The following TNKS2 variants were observed in gnomAD, a reference collection of about 807,000 sequenced individuals.
TNKS2 encodes tankyrase 2.
Under a neutral mutation model 137.6 loss-of-function variants are expected in TNKS2, and 72 were observed. The observed-to-expected ratio is 0.52, with a 90% CI of 0.43 to 0.64. The LOEUF is 0.64. TNKS2 is among the 30% of genes least tolerant of loss of function. The pLI, the probability that TNKS2 is intolerant of heterozygous loss-of-function variation, is 0.00. For missense variants in TNKS2, 1,049 were observed against 1,410.2 expected (o/e 0.74, Z 4.10); for synonymous variants, 516 against 512.1 (o/e 1.01, Z -0.10).
At chr10:91,846,604 A>C (rs887244645) in intron 18 of TNKS2, among the ~76,000 whole-genome samples, 2 of 152,186 alleles carry the variant, frequency 1.3e-5, no homozygotes, top group Non-Finnish European at 2.9e-5. Flanking sequence ...GAAAGAAAGG[A>C]GGAAGGAATT....
At chr10:91,807,280 C>T (rs1844352908) in intron 1 of TNKS2, 1 of 1,612,224 alleles carries the variant, frequency 6.2e-7, no homozygotes, top group Middle Eastern at 1.8e-4. Context: ...TGAGCTTGGT[C>T]TGTTTTATAC....
rs192756742 is a variant in TNKS2 at position 91,820,327 on chromosome 10, A to G, written c.728+294A>G. On this transcript the variant is annotated intron_variant, in intron 6 of 26. Coordinates refer to ENST00000371627, the MANE Select transcript of TNKS2 (RefSeq NM_025235.4). Reference sequence around the variant, plus strand: ...GCACTGCAGGAGTTCCCAGGAAGGAACTCTCAGTGATGGTTGACTGGAGTG... The same window carrying G: ...GCACTGCAGGAGTTCCCAGGAAGGAGCTCTCAGTGATGGTTGACTGGAGTG... Among the ~76,000 whole-genome samples, 111 of 152,250 alleles carry G rather than the reference A, an allele frequency of 7.3e-4. 1 individual carries two copies. Among genetic ancestry groups the G allele is most frequent in the Admixed American group, 6.7e-3 (103 of 15,290 alleles).
rs763266036 is a variant in TNKS2 at position 91,848,423 on chromosome 10, C to G, written c.2399C>G (p.Pro800Arg). Residue 800 changes from proline to arginine, a missense_variant, in exon 19 of 27, where the codon CCA (proline) becomes CGA (arginine). By Grantham distance (103) the Pro-to-Arg change is moderately radical. Around this residue, in one of 6 missense-constraint regions of TNKS2, gnomAD observed 208 missense variants for 231.2 expected, o/e 0.90. Transcript: ENST00000371627. ...VSALLTAAMP[P>R]SALPSCYKPQ... Reference sequence around the variant, plus strand: ...GCTCTTCTGACAGCAGCCATGCCCCCATCTGCTCTGCCCTCTTGTTACAAG... The same window carrying G: ...GCTCTTCTGACAGCAGCCATGCCCCGATCTGCTCTGCCCTCTTGTTACAAG... The G allele has an allele frequency of 5.6e-6, 9 of 1,614,240 alleles. No individual in the cohort carries two copies. Among genetic ancestry groups the G allele is most frequent in the Non-Finnish European group, 7.6e-6 (9 of 1,180,034 alleles).
At chr10:91,819,427 C>A in intron 4 of TNKS2, 55 bp from the exon 5 acceptor site, 1 of 1,429,688 alleles carries the variant, frequency 7.0e-7, no homozygotes. Flanking sequence ...CAGTACTTAT[C>A]TTGAGGAACA....
At chr10:91,858,279 G>C (rs1045050494) in intron 24 of TNKS2, among the ~76,000 whole-genome samples, 1 of 152,080 alleles carries the variant, frequency 6.6e-6, no homozygotes, top group Non-Finnish European at 1.5e-5. Flanking sequence ...TTCATGTGCA[G>C]AATCTAAACA....
intron 13 of TNKS2, among the ~76,000 whole-genome samples, chr10:91,840,173 C>A (rs1157011563): frequency 7.2e-5 from 11 of 152,170 alleles, no homozygotes; most frequent in Admixed American, 7.2e-4. Context: ...AACCCCGCCT[C>A]TACTAAAAAT....
intron 13 of TNKS2, among the ~76,000 whole-genome samples, chr10:91,839,522 C>G (rs1457288167): frequency 6.6e-6 from 1 of 151,914 alleles, no homozygotes; most frequent in South Asian, 2.1e-4. Flanking sequence ...AAACTCCTGA[C>G]CTCAAGTGAT....
chr10:91,849,690 TGGG>T (rs897235314), intron 20 of TNKS2, 96 bp downstream of exon 20: 101 of 878,242 alleles, frequency 1.2e-4, no homozygotes, highest in Non-Finnish European at 1.6e-4. Context: ...TGTAAGCTAT[TGGG>T]GGAGAATGTT....
At chr10:91,816,686 C>CTTTTTTT (rs34591746) in intron 2 of TNKS2, among the ~76,000 whole-genome samples, 34 of 147,788 alleles carry the variant, frequency 2.3e-4, no homozygotes, top group African/African-American at 8.2e-4. Flanking sequence ...GTGTGATTTT[C>CTTTTTTT]TTTTTTTTTT....
At chr10:91,857,621 C>T in intron 24 of TNKS2, 91 bp downstream of exon 24, 1 of 633,238 alleles carries the variant, frequency 1.6e-6, no homozygotes, top group Non-Finnish European at 2.5e-6. Flanking sequence ...CCTGTATATT[C>T]TTTATGTCAG....
At chr10:91,856,519 G>C (rs1842709012) in intron 23 of TNKS2, among the ~76,000 whole-genome samples, 2 of 152,178 alleles carry the variant, frequency 1.3e-5, no homozygotes, top group Admixed American at 1.3e-4. Flanking sequence ...TTGTCTACAA[G>C]CATTAACAAA....
At chr10:91,861,280 A>C (rs1376298823) in intron 25 of TNKS2, among the ~76,000 whole-genome samples, 1 of 152,208 alleles carries the variant, frequency 6.6e-6, no homozygotes, top group Non-Finnish European at 1.5e-5. Context: ...TAATAAAGCA[A>C]GTTTGGCCTT....
At chr10:91,825,927 A>C (rs1306161425) in intron 7 of TNKS2, among the ~76,000 whole-genome samples, 1 of 152,268 alleles carries the variant, frequency 6.6e-6, no homozygotes, top group East Asian at 1.9e-4. Flanking sequence ...GACATTTTCT[A>C]ATAAAGTTAA....
intron 9 of TNKS2, among the ~76,000 whole-genome samples, chr10:91,830,581 A>G (rs1376308163): frequency 6.6e-6 from 1 of 152,218 alleles, no homozygotes; most frequent in Non-Finnish European, 1.5e-5. Flanking sequence ...CTTAACCTTT[A>G]AAATATTGCA....
At chr10:91,807,571 C>T in intron 1 of TNKS2, 1 of 816,342 alleles carries the variant, frequency 1.2e-6, no homozygotes, top group Non-Finnish European at 2.1e-6. Context: ...TTCTCAGACT[C>T]CTTTTCATAT....
At chr10:91,799,117 TGGG>T in intron 1 of TNKS2, among the ~76,000 whole-genome samples, 1 of 152,174 alleles carries the variant, frequency 6.6e-6, no homozygotes, top group East Asian at 1.9e-4. Flanking sequence ...TGCCAGGTGT[TGGG>T]GGTGGTTTGG....
chr10:91,800,182 G>A (rs1049866658), intron 1 of TNKS2, among the ~76,000 whole-genome samples: 1 of 152,194 alleles, frequency 6.6e-6, no homozygotes, highest in Non-Finnish European at 1.5e-5. Flanking sequence ...AATGGAAAGA[G>A]AAGGAAGAAT....
At chr10:91,816,190 T>C (rs977713377) in intron 2 of TNKS2, among the ~76,000 whole-genome samples, 20 of 152,060 alleles carry the variant, frequency 1.3e-4, no homozygotes, top group African/African-American at 4.3e-4. Flanking sequence ...CCTCATGATC[T>C]GCCCGCCTCG....
At chr10:91,799,564 G>A (rs1444910317) in intron 1 of TNKS2, among the ~76,000 whole-genome samples, 1 of 152,200 alleles carries the variant, frequency 6.6e-6, no homozygotes, top group Non-Finnish European at 1.5e-5. Context: ...AAGTACTTTA[G>A]CTTGAATCTA....
Sources: allele counts gnomAD v4.1 joint callset (sites outside exome capture counted in the v4.1 genomes callset), GRCh38; gene constraint gnomAD v4.1.1; regional missense constraint gnomAD v4.1.1; transcripts MANE v1.5; gene names NCBI Gene and HGNC (gene_info 2026-07-23, HGNC 2026-07-21).